The following USH2A variants were observed in gnomAD, a reference collection of about 807,000 sequenced individuals.
The protein encoded by USH2A is Usher syndrome 2A (autosomal recessive, mild).
Under a neutral mutation model 538.9 loss-of-function variants are expected in USH2A, and 443 were observed. That is an observed-to-expected ratio of 0.82 (90% CI 0.76 to 0.89). The LOEUF is 0.89. USH2A is among the 40% of genes least tolerant of loss of function. USH2A has a pLI of 0.00. For missense variants in USH2A, 6,633 were observed against 6,324.8 expected (o/e 1.05, Z -1.65); for synonymous variants, 2,413 against 2,273.5 (o/e 1.06, Z -1.75).
At chr1:216,277,720 T>C (rs745855332) in intron 11 of USH2A, among the ~76,000 whole-genome samples, 24 of 152,122 alleles carry the variant, frequency 1.6e-4, no homozygotes, top group Non-Finnish European at 3.5e-4. Flanking sequence ...TCTATATAAC[T>C]AGTTAGCAAT....
chr1:215,888,461 G>T lies in USH2A; in HGVS notation c.8188C>A (p.Pro2730Thr), dbSNP rs768532694. 8 of 1,613,632 alleles carry T rather than the reference G, an allele frequency of 5.0e-6. No individual in the cohort carries two copies. The Admixed American group carries it at 1.3e-4, about 27-fold the overall frequency. Residue 2730 changes from proline (P) to threonine (T), a missense_variant, in exon 41 of 72, where the codon CCT becomes ACT. Physicochemically the swap from Pro to Thr is conservative, Grantham distance 38. Transcript: ENST00000307340. ...TCGGGTTCCAGCACTGTCACCACAG[G>T]TGGCTGCACCCCAGCAGGTCGTGAG... is the stretch of plus-strand genomic sequence containing the variant. ...RPSRPAGVQPPVVTVLEPDAV... is the reference protein window; with the variant it reads ...RPSRPAGVQPTVVTVLEPDAV...
At chr1:215,918,549 T>G (rs370823442) in intron 38 of USH2A, among the ~76,000 whole-genome samples, 4 of 152,246 alleles carry the variant, frequency 2.6e-5, no homozygotes, top group East Asian at 1.9e-4. Context: ...GTGAAATACT[T>G]TTCTGTTGCT....
At chr1:216,321,833 C>T (rs1290352834) in intron 9 of USH2A, 50 bp downstream of exon 9, 1 of 1,474,048 alleles carries the variant, frequency 6.8e-7, no homozygotes, top group South Asian at 1.1e-5. Context: ...TTTATAGTCA[C>T]CATCTCTACT....
intron 3 of USH2A, among the ~76,000 whole-genome samples, chr1:216,367,352 T>C (rs1262002704): frequency 1.3e-5 from 2 of 152,162 alleles, no homozygotes; most frequent in Non-Finnish European, 2.9e-5. Context: ...CTAATAAAGG[T>C]AATAATTCTT....
Position 216,086,723 on chromosome 1 carries a change from A to T in USH2A, c.4983T>A (p.Asp1661Glu). 2 of 1,611,568 alleles carry T rather than the reference A, an allele frequency of 1.2e-6. No homozygotes were observed. The highest frequency in any genetic ancestry group is 1.7e-6 in the Non-Finnish European group (2 of 1,178,186). ...AATATACCTTACTAAACTCACCAGG[A>T]TCCTTCCTGAGGATGGTATAACTTC... is the stretch of plus-strand genomic sequence containing the variant. ...LPRSYTILRK[D>E]PEIIQKGFVG... Residue 1661 changes from aspartate to glutamate, a missense_variant, in exon 24 of 72, where the codon GAT (aspartate) becomes GAA (glutamate). Asp to Glu is a conservative substitution (Grantham distance 45, BLOSUM62 2). Coordinates refer to ENST00000307340, the MANE Select transcript of USH2A (RefSeq NM_206933.4).
chr1:216,116,310 T>C (rs1373199993), intron 21 of USH2A, among the ~76,000 whole-genome samples: 2 of 152,138 alleles, frequency 1.3e-5, no homozygotes, highest in Non-Finnish European at 2.9e-5. Flanking sequence ...AAATTGATCT[T>C]ACAATATCTA....
chr1:216,148,619 T>G (rs1235972600), intron 21 of USH2A, among the ~76,000 whole-genome samples: 1 of 151,890 alleles, frequency 6.6e-6, no homozygotes, highest in Non-Finnish European at 1.5e-5. Flanking sequence ...GCCTATAAAC[T>G]CTCCTTACAA....
At chr1:215,734,345 C>G (rs1196512845) in intron 60 of USH2A, among the ~76,000 whole-genome samples, 2 of 152,204 alleles carry the variant, frequency 1.3e-5, no homozygotes, top group Non-Finnish European at 2.9e-5. Flanking sequence ...GCCCTCAAAA[C>G]CATTCTTTCC....
At chr1:215,626,690 A>G (rs1656036889) in intron 71 of USH2A, among the ~76,000 whole-genome samples, 1 of 152,224 alleles carries the variant, frequency 6.6e-6, no homozygotes, top group Non-Finnish European at 1.5e-5. Context: ...AGTTACAAAT[A>G]GGAGCTCTGT....
At chr1:215,976,132 A>T (rs1191396419) in intron 35 of USH2A, among the ~76,000 whole-genome samples, 1 of 152,198 alleles carries the variant, frequency 6.6e-6, no homozygotes, top group Non-Finnish European at 1.5e-5. Flanking sequence ...ATTGGTGTAT[A>T]GAAATGCTAC....
rs544086449 is a variant in USH2A, at chr1:215,935,240, C to T, written c.7121-445G>A. 2.0e-5 allele frequency among the ~76,000 whole-genome samples: 3 copies of T among 151,854 alleles called. No homozygotes were observed. The East Asian group carries it at 5.8e-4, about 29-fold the overall frequency. On this transcript the variant is annotated intron_variant, in intron 37 of 71. Transcript: ENST00000307340. ...ACATTATTCCTCAAATAGAATTGTT[C>T]TGGATATACGTATTATACTCAGACA...
intron 55 of USH2A, 42 bp downstream of exon 55, chr1:215,779,801 C>CAG (rs1661569340): frequency 6.2e-7 from 1 of 1,607,372 alleles, no homozygotes; most frequent in East Asian, 2.2e-5. Context: ...ACCACAATGA[C>CAG]AGACTCCTCC....
intron 35 of USH2A, among the ~76,000 whole-genome samples, chr1:215,985,859 TG>T (rs1455096878): frequency 2.6e-5 from 4 of 152,066 alleles, no homozygotes; most frequent in South Asian, 2.1e-4. Context: ...CTGAGCCAAA[TG>T]TTTTTTTTAA....
intron 3 of USH2A, among the ~76,000 whole-genome samples, chr1:216,398,029 CT>C (rs1478206181): frequency 6.6e-6 from 1 of 152,220 alleles, no homozygotes; most frequent in Non-Finnish European, 1.5e-5. Flanking sequence ...TATCTTCTCT[CT>C]CTTTTCACCA....
At chr1:215,745,872 C>T (rs547480025) in intron 58 of USH2A, among the ~76,000 whole-genome samples, 14 of 152,096 alleles carry the variant, frequency 9.2e-5, no homozygotes, top group South Asian at 8.3e-4. Flanking sequence ...GAGACTATTC[C>T]GAAGCAAGGA....
Position 216,364,972 on chromosome 1 carries a change from T to C in USH2A, c.765A>G (p.Gln255=), listed in dbSNP as rs1413517313. ...ACTTACCATTTAAACTCTGTCCTATTTGCACAGTACCAGATGCAAAATCTG... is the reference window on the plus strand; with the variant it reads ...ACTTACCATTTAAACTCTGTCCTATCTGCACAGTACCAGATGCAAAATCTG... ...SITDFASGTV[Q]IGQSLNGLEQ... The change falls in exon 4 of 72, where the codon CAA becomes CAG. Residue 255 remains glutamine, a synonymous_variant. Transcript: ENST00000307340. 1 of 1,613,614 alleles carries C rather than the reference T, an allele frequency of 6.2e-7. No individual in the cohort carries two copies. Among genetic ancestry groups the C allele is most frequent in the Non-Finnish European group, 8.5e-7 (1 of 1,179,704 alleles).
intron 3 of USH2A, among the ~76,000 whole-genome samples, chr1:216,379,234 T>A (rs2038889488): frequency 6.6e-6 from 1 of 152,156 alleles, no homozygotes; most frequent in Non-Finnish European, 1.5e-5. Flanking sequence ...GCTCTATGCG[T>A]GCAGCACCAA....
At chr1:216,098,195 T>G (rs907651389) in intron 21 of USH2A, among the ~76,000 whole-genome samples, 3 of 152,226 alleles carry the variant, frequency 2.0e-5, no homozygotes, top group African/African-American at 7.2e-5. Context: ...CAACACATAC[T>G]GTGGAGCTCT....
At chr1:216,414,262 C>A (rs985675302) in intron 3 of USH2A, among the ~76,000 whole-genome samples, 1 of 151,970 alleles carries the variant, frequency 6.6e-6, no homozygotes, top group Non-Finnish European at 1.5e-5. Context: ...ATATATTAAA[C>A]CCCAAAGTAA....
Sources: allele counts gnomAD v4.1 joint callset (sites outside exome capture counted in the v4.1 genomes callset), GRCh38; gene constraint gnomAD v4.1.1; transcripts MANE v1.5; gene names NCBI Gene and HGNC (gene_info 2026-07-23, HGNC 2026-07-21).